The following ZNF609 variants were observed in gnomAD, a reference collection of about 807,000 sequenced individuals.
The protein encoded by ZNF609 is zinc finger protein 609.
A neutral mutation model predicts 109.5 loss-of-function variants in ZNF609; 11 were observed. The ratio of observed to expected loss-of-function variants is 0.10; its 90% confidence interval spans 0.06 to 0.17. ZNF609 has a LOEUF of 0.17. Among genes scored for constraint, ZNF609 ranks in the 10% least tolerant of loss-of-function variants. The probability of loss-of-function intolerance (pLI) is 1.00; values close to 1 mark genes in which losing one functional copy is unlikely to be tolerated. For missense variants in ZNF609, 1,559 were observed against 1,772.4 expected, an observed-to-expected ratio of 0.88 and a Z score of 2.16; for synonymous variants, 646 against 662.0, an observed-to-expected ratio of 0.98 and a Z score of 0.37.
At chr15:64,610,572 C>T (rs1895700520) in intron 2 of ZNF609, among the ~76,000 whole-genome samples, 1 of 152,118 alleles carries the variant, frequency 6.6e-6, no homozygotes, top group Non-Finnish European at 1.5e-5. Context: ...TCGTTGAGTC[C>T]AGGAGTTCAA....
At chr15:64,578,384 G>A (rs946795360) in intron 2 of ZNF609, among the ~76,000 whole-genome samples, 1 of 151,974 alleles carries the variant, frequency 6.6e-6, no homozygotes, top group Non-Finnish European at 1.5e-5. Flanking sequence ...TTCATTTACA[G>A]GAAAATTAAT....
chr15:64,529,526 A>G, intron 2 of ZNF609: 1 of 1,170,330 alleles, frequency 8.5e-7, no homozygotes, highest in South Asian at 1.2e-5. Flanking sequence ...GTAGAATCAT[A>G]CAGGAACATG....
At chr15:64,622,564 A>G (rs971150567) in intron 2 of ZNF609, among the ~76,000 whole-genome samples, 3 of 152,194 alleles carry the variant, frequency 2.0e-5, no homozygotes, top group African/African-American at 7.2e-5. Flanking sequence ...CATTTTAGCC[A>G]AGTGCAGTTT....
intron 3 of ZNF609, among the ~76,000 whole-genome samples, chr15:64,658,470 T>G (rs930343589): frequency 2.4e-4 from 37 of 152,142 alleles, no homozygotes; most frequent in African/African-American, 8.4e-4. Context: ...GTGCTGGGAT[T>G]ACAGGTGTGA....
At chr15:64,625,080 C>G (rs985595938) in intron 3 of ZNF609, among the ~76,000 whole-genome samples, 1 of 152,024 alleles carries the variant, frequency 6.6e-6, no homozygotes, top group African/African-American at 2.4e-5. Flanking sequence ...TTAAGGTACT[C>G]TATACTTTAT....
intron 1 of ZNF609, among the ~76,000 whole-genome samples, chr15:64,491,930 C>T (rs541784946): frequency 8.1e-4 from 123 of 151,368 alleles, no homozygotes; most frequent in Middle Eastern, 3.6e-3. Context: ...CTGTCAGTCA[C>T]GACAGTATAT....
chr15:64,534,302 C>A (rs538977625), intron 2 of ZNF609, among the ~76,000 whole-genome samples: 43 of 151,754 alleles, frequency 2.8e-4, no homozygotes, highest in African/African-American at 9.9e-4. Flanking sequence ...TGAGCCACCA[C>A]ACCCAGCATT....
At chr15:64,522,998 T>C (rs1595706821) in intron 2 of ZNF609, among the ~76,000 whole-genome samples, 1 of 151,332 alleles carries the variant, frequency 6.6e-6, no homozygotes, top group African/African-American at 2.4e-5. Context: ...GAAATTTTGG[T>C]GCAATAGAGA....
chr15:64,530,449 T>C (rs1268251881), intron 2 of ZNF609, among the ~76,000 whole-genome samples: 1 of 152,248 alleles, frequency 6.6e-6, no homozygotes, highest in Non-Finnish European at 1.5e-5. Context: ...ACAAAGGTTA[T>C]AATTATACTA....
intron 2 of ZNF609, among the ~76,000 whole-genome samples, chr15:64,563,547 T>G (rs1595719524): frequency 6.6e-6 from 1 of 150,990 alleles, no homozygotes. Context: ...GAGGCCGAGG[T>G]GGGTGGATTA....
At chr15:64,678,521 A>C (rs1896838885) in intron 6 of ZNF609, 39 bp downstream of exon 6, 1 of 1,521,070 alleles carries the variant, frequency 6.6e-7, no homozygotes, top group African/African-American at 1.4e-5. Flanking sequence ...ATTCACTGGA[A>C]GGGGGAATGA....
chr15:64,649,718 G>C (rs1896387172), intron 3 of ZNF609, among the ~76,000 whole-genome samples: 1 of 152,056 alleles, frequency 6.6e-6, no homozygotes, highest in Non-Finnish European at 1.5e-5. Context: ...TTTTGCGGGG[G>C]AGGGGTTGCT....
intron 5 of ZNF609, among the ~76,000 whole-genome samples, chr15:64,677,164 A>G (rs1463878763): frequency 6.6e-6 from 1 of 151,018 alleles, no homozygotes; most frequent in Non-Finnish European, 1.5e-5. Context: ...CCTAGGCTCA[A>G]GCAGTCCTCC....
At chr15:64,512,634 T>C (rs1465265261) in intron 2 of ZNF609, among the ~76,000 whole-genome samples, 1 of 152,202 alleles carries the variant, frequency 6.6e-6, no homozygotes, top group African/African-American at 2.4e-5. Flanking sequence ...AAGCACCTTA[T>C]ATCATAGTTC....
At chr15:64,575,396 C>A (rs957863223) in intron 2 of ZNF609, among the ~76,000 whole-genome samples, 1 of 145,688 alleles carries the variant, frequency 6.9e-6, no homozygotes, top group African/African-American at 2.5e-5. Context: ...TGCACTCCAG[C>A]CTGGGCAACA....
At chr15:64,520,140 A>G (rs1488931334) in intron 2 of ZNF609, among the ~76,000 whole-genome samples, 1 of 152,176 alleles carries the variant, frequency 6.6e-6, no homozygotes, top group Non-Finnish European at 1.5e-5. Flanking sequence ...TTTTTGTGGT[A>G]AAAGTCCTTT....
chr15:64,640,490 T>C (rs1305326789), intron 3 of ZNF609, among the ~76,000 whole-genome samples: 1 of 151,494 alleles, frequency 6.6e-6, no homozygotes, highest in Non-Finnish European at 1.5e-5. Context: ...GAAAGAAAAA[T>C]AGGTTTCAGC....
At chr15:64,525,202 T>C (rs1893952869) in intron 2 of ZNF609, among the ~76,000 whole-genome samples, 1 of 152,220 alleles carries the variant, frequency 6.6e-6, no homozygotes. Flanking sequence ...AAGATTTTTA[T>C]GGTTATAGCT....
At chr15:64,506,966 G>C (rs1381477528) in intron 2 of ZNF609, among the ~76,000 whole-genome samples, 1 of 152,152 alleles carries the variant, frequency 6.6e-6, no homozygotes, top group African/African-American at 2.4e-5. Flanking sequence ...GTCTGAAGAA[G>C]TTCCAAATCT....
Sources: allele counts gnomAD v4.1 joint callset (sites outside exome capture counted in the v4.1 genomes callset), GRCh38; gene constraint gnomAD v4.1.1; transcripts MANE v1.5; gene names NCBI Gene and HGNC (gene_info 2026-07-23, HGNC 2026-07-21).